Variants in HR observed in about 807,000 individuals in gnomAD.
The protein encoded by HR is HR lysine demethylase and nuclear receptor corepressor.
A neutral mutation model predicts 128.6 loss-of-function variants in HR; 83 were observed. The ratio of observed to expected loss-of-function variants is 0.65; its 90% CI spans 0.54 to 0.77. The LOEUF (loss-of-function observed/expected upper bound fraction) is 0.77. HR is among the 30% of genes least tolerant of loss of function. The pLI, the probability that HR is intolerant of heterozygous loss-of-function variation, is 0.00. For synonymous variants in HR, 681 were observed against 658.2 expected (o/e 1.03, Z -0.53); for missense variants, 1,490 against 1,574.6 (o/e 0.95, Z 0.91).
intron 6 of HR, 32 bp downstream of exon 6, chr8:22,123,617 T>TGGGGGGGGCGCCCCC: frequency 3.4e-6 from 1 of 292,092 alleles, no homozygotes; most frequent in Non-Finnish European, 6.2e-6. Context: ...GAGGGCTCCA[T>TGGGGGGGGCGCCCCC]CCCGCCCTCC....
Position 22,127,715 on chromosome 8 carries a change from C to A in HR, c.727G>T (p.Ala243Ser). The A allele has an allele frequency of 6.2e-7, 1 of 1,607,310 alleles. No homozygotes were observed. Residue 243 changes from alanine (A) to serine (S), a missense_variant, in exon 3 of 19, where the codon GCC (alanine) becomes TCC (serine). Around this residue, in one of 3 missense-constraint regions of HR, gnomAD observed 1,060 missense variants for 1,060.9 expected, o/e 1.00. Transcript: ENST00000381418. ...CTCTGGTGCAGTGAAGGGCGTTCGG[C>A]CTCCCCGGCTCTCTGCAGGTGCCCA... ...SGGHLQRAGE[A>S]ERPSLHQRDG... is the part of the protein sequence containing the mutation.
intron 13 of HR, 31 bp from the exon 14 acceptor site, chr8:22,119,921 C>T: frequency 3.1e-6 from 5 of 1,612,476 alleles, no homozygotes; most frequent in South Asian, 1.1e-5. Flanking sequence ...GCCCAGCAGG[C>T]CCAACCTGGG....
Position 22,119,748 on chromosome 8 carries a change from A to T in HR, c.2977+12T>A. 3.7e-6 allele frequency: 6 copies of T among 1,602,428 alleles called. No individual in the cohort carries two copies. Among genetic ancestry groups the T allele is most frequent in the Non-Finnish European group, 5.1e-6 (6 of 1,173,870 alleles). ...GGGAGTAGAGACTGGGCAGGAGTGG[A>T]GGGACACTCACCATAGGCTGCCCAG... On this transcript the variant is annotated intron_variant, in intron 14 of 18. Transcript: ENST00000381418.
At chr8:22,120,286 C>A in intron 12 of HR, 56 bp downstream of exon 12, 1 of 1,613,170 alleles carries the variant, frequency 6.2e-7, no homozygotes, top group Non-Finnish European at 8.5e-7. Context: ...CCTCTGCCAC[C>A]CGATCCCTAG....
rs769600534 is a variant in HR, at chr8:22,116,678, CT to C, written c.3378+196del. 3.3e-5 allele frequency among the ~76,000 whole-genome samples: 5 copies of C among 152,236 alleles called. No homozygotes were observed. Among genetic ancestry groups the C allele is most frequent in the African/African-American group, 4.8e-5 (2 of 41,452 alleles). On this transcript the variant is annotated intron_variant, in intron 17 of 18. Transcript: ENST00000381418. The surrounding 1 kb of genome is among the most constrained non-coding windows in gnomAD (Gnocchi z 4.2). ...GCATGCCCAGGAGACCAGGAGTGGA[CT>C]CTGGCGCCAGTCCCAGTTGGGCTCA... is the stretch of plus-strand genomic sequence containing the variant.
intron 3 of HR, 72 bp from the exon 4 acceptor site, chr8:22,125,804 G>A (rs1176250741): frequency 8.5e-6 from 13 of 1,537,612 alleles, no homozygotes; most frequent in South Asian, 3.5e-5. Context: ...TCACCTTAGC[G>A]CCCACCCCAT....
chr8:22,119,160 CTACCTTTCTG>C lies in HR; in HGVS notation c.3091_3097+3del. 6.2e-7 allele frequency: 1 copy of C among 1,613,852 alleles called. No individual in the cohort carries two copies. On this transcript the variant is annotated splice_donor_variant and splice_donor_region_variant and coding_sequence_variant and intron_variant, in exon 15 of 19. Coordinates refer to ENST00000381418, the MANE Select transcript of HR (RefSeq NM_005144.5). LOFTEE classifies it high-confidence loss of function. ...CCCGCTCCTGCCTCTGGCCGAGGAC[CTACCTTTCTG>C]TGCCCGGTGCCAGGCAGGCAGTGGT...
chr8:22,121,127 G>C lies in HR; in HGVS notation c.2305C>G (p.Leu769Val). 3 of 1,613,930 alleles carry C rather than the reference G, an allele frequency of 1.9e-6. No individual in the cohort carries two copies. Among genetic ancestry groups the C allele is most frequent in the Non-Finnish European group, 2.5e-6 (3 of 1,180,042 alleles). Reference sequence around the variant, plus strand: ...TGTATTCGCTCATGGCCCAAGCAGAGTTTGACCGCGGTAGAAGCCAGCAGT... The same window carrying C: ...TGTATTCGCTCATGGCCCAAGCAGACTTTGACCGCGGTAGAAGCCAGCAGT... Reference protein sequence around the residue: ...CELLASTAVKLCLGHERIHMA... With the variant: ...CELLASTAVKVCLGHERIHMA... Residue 769 changes from leucine to valine, a missense_variant, in exon 10 of 19, where the codon CTC becomes GTC. By Grantham distance (32) the Leu-to-Val change is conservative. This residue lies in a region of HR where 1,060 missense variants were observed against 1,060.9 expected (regional missense o/e 1.00). Coordinates refer to ENST00000381418, the MANE Select transcript of HR (RefSeq NM_005144.5).
At position 22,127,486 on chromosome 8, in the gene HR, G is replaced by A. The variant is rs77758962; in HGVS notation, c.956C>T (p.Pro319Leu). 9.7e-3 allele frequency: 15,703 copies of A among 1,611,396 alleles called. 1,264 individuals carry two copies. In the African/African-American group the frequency reaches 0.18, roughly 18 times the overall value. ...ACAGCAGCCCCGCTGGGTGACAGGCGGCTCAGGAGAGGGGCACCTTGGTGT... is the reference window on the plus strand; with the variant it reads ...ACAGCAGCCCCGCTGGGTGACAGGCAGCTCAGGAGAGGGGCACCTTGGTGT... ...PATPRCPSPE[P>L]PVTQRGCCSS... Residue 319 changes from proline (P) to leucine (L), a missense_variant, in exon 3 of 19, where the codon CCG (proline) becomes CTG (leucine). Transcript: ENST00000381418.
chr8:22,124,196 G>A (rs1042114992), intron 5 of HR, among the ~76,000 whole-genome samples: 6 of 152,186 alleles, frequency 3.9e-5, no homozygotes, highest in Non-Finnish European at 8.8e-5. Context: ...ACCAGAAGTG[G>A]TAACCATGCT....
chr8:22,129,912 C>G (rs990167338), intron 1 of HR, among the ~76,000 whole-genome samples: 1 of 152,222 alleles, frequency 6.6e-6, no homozygotes, highest in Non-Finnish European at 1.5e-5. Context: ...CTAGGAACCC[C>G]GCCCTGGCCC....
At chr8:22,123,960 C>G (rs1826823766) in intron 5 of HR, 147 bp from the exon 6 acceptor site, 1 of 899,510 alleles carries the variant, frequency 1.1e-6, no homozygotes, top group African/African-American at 1.6e-5. Context: ...AGACAGGCCC[C>G]TCGACAGCTA....
chr8:22,129,054 C>G lies in HR; in HGVS notation c.117G>C (p.Gly39=). 1.3e-6 allele frequency: 2 copies of G among 1,598,234 alleles called. No individual in the cohort carries two copies. The highest frequency in any genetic ancestry group is 3.4e-5 in the Admixed American group (2 of 58,532). Residue 39 remains glycine, a synonymous_variant, in exon 2 of 19, where the codon GGG becomes GGC. Coordinates refer to ENST00000381418, the MANE Select transcript of HR (RefSeq NM_005144.5). The stretch of plus-strand genomic sequence containing the variant: ...GAGCAGGCTCTCCCAGGCACAGCGG[C>G]CCATGGTGCAGTCCATCTCGAGGCG... ...GSPPRDGLHH[G]PLCLGEPAPF...
chr8:22,119,960 C>G, intron 13 of HR, 70 bp from the exon 14 acceptor site: 1 of 1,608,932 alleles, frequency 6.2e-7, no homozygotes, highest in African/African-American at 1.3e-5. Flanking sequence ...AGCCCCACCA[C>G]CACCGGGGTA....
Position 22,127,485 on chromosome 8 carries a change from C to A in HR, c.957G>T (p.Pro319=). 1 of 1,611,204 alleles carries A rather than the reference C, an allele frequency of 6.2e-7. No homozygotes were observed. Among genetic ancestry groups the A allele is most frequent in the Non-Finnish European group, 8.5e-7 (1 of 1,178,488 alleles). ...AACAGCAGCCCCGCTGGGTGACAGG[C>A]GGCTCAGGAGAGGGGCACCTTGGTG... ...PATPRCPSPE[P]PVTQRGCCSS... Residue 319 remains proline, a synonymous_variant, in exon 3 of 19, where the codon CCG becomes CCT. Transcript: ENST00000381418.
At chr8:22,120,064 G>T (rs1488173213) in intron 13 of HR, 40 bp downstream of exon 13, 6 of 1,568,994 alleles carry the variant, frequency 3.8e-6, no homozygotes, top group Non-Finnish European at 5.2e-6. Flanking sequence ...GGGGCCTGCG[G>T]TGGCGGGGAG....
Position 22,119,202 on chromosome 8 carries a change from G to C in HR, c.3059C>G (p.Ala1020Gly). ...GTGCCAGGCAGGCAGTGGTGTGTCGGCATGCACCAGGATGCTGACCAGGTC... is the reference window on the plus strand; with the variant it reads ...GTGCCAGGCAGGCAGTGGTGTGTCGCCATGCACCAGGATGCTGACCAGGTC... ...VADLVSILVHADTPLPAWHRA... is the reference protein window; with the variant it reads ...VADLVSILVHGDTPLPAWHRA... Residue 1020 changes from alanine to glycine, a missense_variant, in exon 15 of 19, where the codon GCC (alanine) becomes GGC (glycine). Ala to Gly is a moderately conservative substitution (Grantham distance 60, BLOSUM62 0). This residue lies in a region of HR where 423 missense variants were observed against 495.9 expected (regional missense o/e 0.85). Transcript: ENST00000381418. 1 of 1,613,866 alleles carries C rather than the reference G, an allele frequency of 6.2e-7. No homozygotes were observed. The highest frequency in any genetic ancestry group is 8.5e-7 in the Non-Finnish European group (1 of 1,180,026).
intron 3 of HR, 69 bp downstream of exon 3, chr8:22,126,968 C>T: frequency 6.7e-7 from 1 of 1,489,240 alleles, no homozygotes; most frequent in East Asian, 2.3e-5. Context: ...CAGACCCCGC[C>T]CCATGCGAAG....
chr8:22,123,533 G>A (rs1826806227), intron 6 of HR, 116 bp downstream of exon 6: 1 of 989,374 alleles, frequency 1.0e-6, no homozygotes, highest in South Asian at 1.6e-5. Context: ...CTGAGGCTGG[G>A]GCTGTGCAGT....
Sources: gnomAD v4.1 joint callset for allele counts (sites outside exome capture counted in the v4.1 genomes callset) on GRCh38, gnomAD v4.1.1 for gene constraint, gnomAD v4.1.1 regional missense constraint, Gnocchi (gnomAD v3.1) non-coding constraint, MANE v1.5 for transcripts, NCBI Gene and HGNC (gene_info 2026-07-23, HGNC 2026-07-21) for gene names.